The following PHC2 variants were observed in gnomAD, a reference collection of about 807,000 sequenced individuals.
The protein encoded by PHC2 is polyhomeotic homolog 2, also known as polyhomeotic-like protein 2.
In PHC2, 29 loss-of-function variants were observed where a neutral mutation model predicts 87.4. The ratio of observed to expected loss-of-function variants is 0.33; its 90% CI spans 0.25 to 0.45. The LOEUF (loss-of-function observed/expected upper bound fraction) is 0.45. PHC2 is among the 20% of genes least tolerant of loss of function. The pLI, the probability that PHC2 is intolerant of heterozygous loss-of-function variation, is 1.00. For synonymous variants in PHC2, 438 were observed against 461.7 expected (o/e 0.95, Z 0.66); for missense variants, 857 against 1,136.7 (o/e 0.75, Z 3.54).
At chr1:33,344,896 A>AC (rs1557824929) in intron 9 of PHC2, among the ~76,000 whole-genome samples, 1 of 148,868 alleles carries the variant, frequency 6.7e-6, no homozygotes, top group East Asian at 1.9e-4. Flanking sequence ...CCTGGTCCCA[A>AC]TTTTTTTTTT....
Position 33,367,367 on chromosome 1 carries a change from G to C in PHC2, c.725C>G (p.Pro242Arg), listed in dbSNP as rs1443410320. ...TPAAAASGPT[P>R]TQPVLPSLAL... ...CAAGCTGGGCAGGACAGGCTGAGTG[G>C]GGGTGGGGCCCGAGGCTGCTGCCGC... Residue 242 changes from proline to arginine, a missense_variant, in exon 7 of 15, where the codon CCC (proline) becomes CGC (arginine). Around this residue, in one of 3 missense-constraint regions of PHC2, gnomAD observed 832 missense variants for 1,081.8 expected, o/e 0.77. Coordinates refer to ENST00000683057, the MANE Select transcript of PHC2 (RefSeq NM_001385109.1). 1 of 1,608,610 alleles carries C rather than the reference G, an allele frequency of 6.2e-7. No individual in the cohort carries two copies. Among genetic ancestry groups the C allele is most frequent in the Admixed American group, 1.7e-5 (1 of 59,822 alleles).
intron 9 of PHC2, chr1:33,347,166 A>G: frequency 2.0e-6 from 2 of 985,474 alleles, no homozygotes; most frequent in Non-Finnish European, 2.4e-6. Context: ...ACAGGGTCAT[A>G]GCTGAGGGAA....
chr1:33,411,123 C>A (rs1464028037), intron 1 of PHC2, among the ~76,000 whole-genome samples: 1 of 152,046 alleles, frequency 6.6e-6, no homozygotes, highest in Non-Finnish European at 1.5e-5. Flanking sequence ...ATATTCATTT[C>A]TTTAAAAAGG....
intron 4 of PHC2, among the ~76,000 whole-genome samples, chr1:33,370,786 T>G (rs1331331893): frequency 6.6e-6 from 1 of 152,098 alleles, no homozygotes; most frequent in Non-Finnish European, 1.5e-5. Context: ...GGGGATCCCA[T>G]GTTGAGAGAA....
intron 1 of PHC2, among the ~76,000 whole-genome samples, chr1:33,422,384 T>G (rs1282475347): frequency 6.6e-6 from 1 of 152,138 alleles, no homozygotes; most frequent in Non-Finnish European, 1.5e-5. Flanking sequence ...TAAATAAATA[T>G]GATTGTAGAG....
chr1:33,426,246 G>C lies in PHC2; in HGVS notation c.-55+4730C>G, dbSNP rs193229950. 1.8e-4 allele frequency among the ~76,000 whole-genome samples: 28 copies of C among 152,240 alleles called. No homozygotes were observed. The East Asian group carries it at 5.0e-3, about 27-fold the overall frequency. ...TCATGTGGGTAGATGAAGGAACAGAGTAAGCAACAAAGGCAGGACAGAACA... is the reference window on the plus strand; with the variant it reads ...TCATGTGGGTAGATGAAGGAACAGACTAAGCAACAAAGGCAGGACAGAACA... On this transcript the variant is annotated intron_variant, in intron 1 of 14. Transcript: ENST00000683057.
At chr1:33,415,345 A>C (rs1033556867) in intron 1 of PHC2, among the ~76,000 whole-genome samples, 1 of 152,192 alleles carries the variant, frequency 6.6e-6, no homozygotes, top group African/African-American at 2.4e-5. Flanking sequence ...GTTTGTGTTC[A>C]CATCTATCTG....
rs1000956600 is a variant in PHC2 at position 33,392,926 on chromosome 1, C to A, written c.-54-17333G>T. Among the ~76,000 whole-genome samples, 12 of 152,254 alleles carry A rather than the reference C, an allele frequency of 7.9e-5. No homozygotes were observed. The East Asian group carries it at 2.3e-3, about 29-fold the overall frequency. On this transcript the variant is annotated intron_variant, in intron 1 of 14. Transcript: ENST00000683057. ...ATAGTTTGGAGAAATTGCAGGGTAA[C>A]CCAGGCTGCTTAGTCTGTCTTCTCA...
At chr1:33,390,295 T>A (rs1265190266) in intron 1 of PHC2, among the ~76,000 whole-genome samples, 1 of 152,218 alleles carries the variant, frequency 6.6e-6, no homozygotes, top group Non-Finnish European at 1.5e-5. Flanking sequence ...AACTTATCCA[T>A]TTATGGACAT....
At chr1:33,380,040 T>C (rs921024464) in intron 1 of PHC2, among the ~76,000 whole-genome samples, 3 of 152,220 alleles carry the variant, frequency 2.0e-5, no homozygotes, top group African/African-American at 4.8e-5. Flanking sequence ...GGATAGTGCA[T>C]GCTCATGTTG....
chr1:33,417,685 G>A (rs1650268309), intron 1 of PHC2, among the ~76,000 whole-genome samples: 1 of 152,060 alleles, frequency 6.6e-6, no homozygotes, highest in South Asian at 2.1e-4. Context: ...TATAGTTGGA[G>A]ACTTCAATAC....
At chr1:33,387,393 G>C (rs573035070) in intron 1 of PHC2, among the ~76,000 whole-genome samples, 1 of 152,270 alleles carries the variant, frequency 6.6e-6, no homozygotes, top group Admixed American at 6.5e-5. Flanking sequence ...AAGGAATGGG[G>C]CTTTAAGCTC....
rs941339770 is a variant in PHC2 at position 33,364,069 on chromosome 1, G to C, written c.976+3047C>G. 4.6e-6 allele frequency: 1 copy of C among 216,986 alleles called. No individual in the cohort carries two copies. Among genetic ancestry groups the C allele is most frequent in the Non-Finnish European group, 7.8e-6 (1 of 127,524 alleles). 13.4% of individuals were successfully genotyped at this position (216,986 alleles called of 1,614,324 possible). On this transcript the variant is annotated intron_variant, in intron 7 of 14. Transcript: ENST00000683057. The surrounding 1 kb of genome is among the most constrained non-coding windows in gnomAD (Gnocchi z 4.1). ...TCTATTTGCAGAGCCTGAAGAAGCCGGTTGCCAAGGTGACAGGAGCAGGAA... is the reference window on the plus strand; with the variant it reads ...TCTATTTGCAGAGCCTGAAGAAGCCCGTTGCCAAGGTGACAGGAGCAGGAA...
chr1:33,392,237 T>G (rs144201183), intron 1 of PHC2, among the ~76,000 whole-genome samples: 3 of 152,290 alleles, frequency 2.0e-5, no homozygotes, highest in African/African-American at 7.2e-5. Context: ...TGCCTCTTCA[T>G]CCACCTGTCT....
chr1:33,329,593 C>CA (rs1222696044), intron 13 of PHC2, among the ~76,000 whole-genome samples: 3 of 152,220 alleles, frequency 2.0e-5, no homozygotes, highest in Non-Finnish European at 4.4e-5. Context: ...TAGTGCCTAA[C>CA]AGAGTTTCTG....
intron 2 of PHC2, 139 bp downstream of exon 2, chr1:33,375,227 G>A (rs1235140707): frequency 4.6e-6 from 3 of 655,418 alleles, no homozygotes; most frequent in Non-Finnish European, 7.4e-6. Flanking sequence ...ATACACAAAT[G>A]TGTATCTACG....
Position 33,368,907 on chromosome 1 carries a change from C to T in PHC2, c.577-285G>A, listed in dbSNP as rs1238527712. On this transcript the variant is annotated intron_variant, in intron 5 of 14. Coordinates refer to ENST00000683057, the MANE Select transcript of PHC2 (RefSeq NM_001385109.1). The surrounding 1 kb of genome is among the most constrained non-coding windows in gnomAD (Gnocchi z 6.6). The stretch of plus-strand genomic sequence containing the variant: ...GGTGGGGAGAGCCGCTCTGGGGCTA[C>T]ACCAAAGCCGAGTTCCCTTCAGAAC... Among the ~76,000 whole-genome samples the T allele has an allele frequency of 2.0e-5, 3 of 152,146 alleles. No homozygotes were observed. The highest frequency in any genetic ancestry group is 7.2e-5 in the African/African-American group (3 of 41,412).
At position 33,369,897 on chromosome 1, in the gene PHC2, T is replaced by C. The variant is rs1221660185; in HGVS notation, c.576+524A>G. Among the ~76,000 whole-genome samples, 1 of 152,146 alleles carries C rather than the reference T, an allele frequency of 6.6e-6. No homozygotes were observed. The highest frequency in any genetic ancestry group is 1.5e-5 in the Non-Finnish European group (1 of 68,014). On this transcript the variant is annotated intron_variant, in intron 5 of 14. Coordinates refer to ENST00000683057, the MANE Select transcript of PHC2 (RefSeq NM_001385109.1). The surrounding 1 kb of genome is among the most constrained non-coding windows in gnomAD (Gnocchi z 4.7). Reference sequence around the variant, plus strand: ...TAGGTGCAAAGGAAAGAGTTGGTGCTATCCTGAGTATATCCTGCCCAAACA... The same window carrying C: ...TAGGTGCAAAGGAAAGAGTTGGTGCCATCCTGAGTATATCCTGCCCAAACA...
intron 1 of PHC2, among the ~76,000 whole-genome samples, chr1:33,418,676 A>T (rs1650304981): frequency 6.6e-6 from 1 of 152,202 alleles, no homozygotes; most frequent in Non-Finnish European, 1.5e-5. Flanking sequence ...AAAAAAAGAA[A>T]CAATGCCAAT....
Sources: allele counts gnomAD v4.1 joint callset (sites outside exome capture counted in the v4.1 genomes callset), GRCh38; gene constraint gnomAD v4.1.1; regional missense constraint gnomAD v4.1.1; non-coding constraint Gnocchi (gnomAD v3.1); transcripts MANE v1.5; gene names NCBI Gene and HGNC (gene_info 2026-07-23, HGNC 2026-07-21).